Variants in FRMD1 observed in about 807,000 individuals in gnomAD.
FRMD1 encodes the protein FERM domain-containing protein 1.
A neutral mutation model predicts 54.9 loss-of-function variants in FRMD1; 51 were observed. That is an observed-to-expected ratio of 0.93 (90% CI 0.74 to 1.17). The LOEUF is 1.17. Among genes scored for constraint, FRMD1 ranks in the 50% most tolerant of loss-of-function variants. FRMD1 has a pLI of 0.00. For synonymous variants in FRMD1, 324 were observed against 306.4 expected, an observed-to-expected ratio of 1.06 and a Z score of -0.60; for missense variants, 729 against 743.0, an observed-to-expected ratio of 0.98 and a Z score of 0.22.
At position 168,063,695 on chromosome 6, in the gene FRMD1, C is replaced by G; in HGVS notation, c.710G>C (p.Arg237Pro). 1 of 1,613,876 alleles carries G rather than the reference C, an allele frequency of 6.2e-7. No homozygotes were observed. The highest frequency in any genetic ancestry group is 8.5e-7 in the Non-Finnish European group (1 of 1,179,870). ...GGCCTCCTTGGGGCTCAGGCCCTGG[C>G]GCTCACGGTGCAGGGTAGGCATGTG... ...LRHMPTLHRE[R>P]QGLSPKEAML... The change falls in exon 6 of 11, where the codon CGC (arginine) becomes CCC (proline). Residue 237 changes from arginine (R) to proline (P), a missense_variant. Coordinates refer to ENST00000283309, the MANE Select transcript of FRMD1 (RefSeq NM_024919.6).
At chr6:168,078,694 AGCCCTGCTCACCCCTAT>A (rs1800712610) in intron 1 of FRMD1, among the ~76,000 whole-genome samples, 171 bp downstream of exon 1, 3 of 41,366 alleles carry the variant, frequency 7.3e-5, no homozygotes, top group African/African-American at 3.2e-4. Context: ...TCACCCCCAC[AGCCCTGCTCACCCCTAT>A]GGCCACCCAG....
intron 6 of FRMD1, 130 bp from the exon 7 acceptor site, chr6:168,063,089 A>C: frequency 1.3e-6 from 1 of 744,390 alleles, no homozygotes; most frequent in African/African-American, 1.7e-5. Flanking sequence ...GCCCATTTAC[A>C]GACAGTCTCA....
intron 1 of FRMD1, among the ~76,000 whole-genome samples, chr6:168,089,061 A>T (rs1446156735): frequency 4.6e-5 from 7 of 152,158 alleles, no homozygotes; most frequent in Non-Finnish European, 1.0e-4. Context: ...AAATAACTTC[A>T]TCCCAGGGCT....
intron 10 of FRMD1, 133 bp from the exon 11 acceptor site, chr6:168,057,472 G>A (rs748636322): frequency 5.1e-6 from 7 of 1,369,810 alleles, no homozygotes; most frequent in Non-Finnish European, 6.9e-6. Flanking sequence ...GTGCATGGCC[G>A]GCCTGCCCCT....
chr6:168,066,372 C>G (rs1392178787), intron 4 of FRMD1: 1 of 455,850 alleles, frequency 2.2e-6, no homozygotes, highest in Non-Finnish European at 2.9e-6. Context: ...GTGGCGCCCG[C>G]CTGTAATCCC....
At position 168,057,088 on chromosome 6, in the gene FRMD1, G is replaced by A; in HGVS notation, c.*9C>T. 1 of 1,468,934 alleles carries A rather than the reference G, an allele frequency of 6.8e-7. No homozygotes were observed. 91.0% of individuals were successfully genotyped at this position (1,468,934 alleles called of 1,614,324 possible). On this transcript the variant is annotated 3_prime_UTR_variant, in exon 11 of 11. Transcript: ENST00000283309. ...GGCGGTGCGGACGGTACTGCTGGGT[G>A]GGTGGTGCCTACACCACAAACTCCT...
At chr6:168,091,923 G>T (rs1205958193) in intron 1 of FRMD1, among the ~76,000 whole-genome samples, 1 of 152,260 alleles carries the variant, frequency 6.6e-6, no homozygotes, top group Non-Finnish European at 1.5e-5. Context: ...ATGGTCAAGA[G>T]TGGCCAGTGG....
chr6:168,082,821 C>G (rs1800857213), upstream of FRMD1, among the ~76,000 whole-genome samples: 1 of 152,254 alleles, frequency 6.6e-6, no homozygotes, highest in African/African-American at 2.4e-5. Flanking sequence ...TTTTGCTGCT[C>G]TGCCCAAGCG....
chr6:168,081,557 T>TA (rs1800832183), upstream of FRMD1: 1 of 1,488,088 alleles, frequency 6.7e-7, no homozygotes, highest in East Asian at 2.5e-5. Flanking sequence ...ATGAGATAGA[T>TA]AGAGGCCTGC....
At chr6:168,089,195 T>TG (rs1583215516) in intron 1 of FRMD1, among the ~76,000 whole-genome samples, 1 of 152,220 alleles carries the variant, frequency 6.6e-6, no homozygotes, top group African/African-American at 2.4e-5. Flanking sequence ...AGTGGTTCCC[T>TG]GGGGGTCCCT....
intron 9 of FRMD1, among the ~76,000 whole-genome samples, chr6:168,060,106 G>T (rs1257653268): frequency 2.4e-5 from 2 of 81,782 alleles, no homozygotes; most frequent in Non-Finnish European, 4.7e-5. Context: ...AGTGTGGGGG[G>T]GGCTTCCTAA....
intron 1 of FRMD1, among the ~76,000 whole-genome samples, chr6:168,088,807 G>A (rs1800965073): frequency 1.6e-5 from 1 of 60,726 alleles, no homozygotes; most frequent in African/African-American, 4.5e-5. Flanking sequence ...CAAGGCAAAT[G>A]TTAACTCTCA....
At chr6:168,086,720 C>A (rs1800928220) in intron 1 of FRMD1, among the ~76,000 whole-genome samples, 1 of 152,212 alleles carries the variant, frequency 6.6e-6, no homozygotes, top group Admixed American at 6.5e-5. Context: ...TCGTCTGTCA[C>A]CCCCCTCGGC....
rs1799874562 is a variant in FRMD1 at position 168,063,616 on chromosome 6, G to A, written c.789C>T (p.Phe263=). The A allele has an allele frequency of 1.2e-6, 2 of 1,612,276 alleles. No homozygotes were observed. The highest frequency in any genetic ancestry group is 1.3e-5 in the African/African-American group (1 of 74,934). Reference sequence around the variant, plus strand: ...TGGGCTCGACCTTGTGCAGCCTGAAGAAGTGCACGGGCACGTCCTCCAGCC... The same window carrying A: ...TGGGCTCGACCTTGTGCAGCCTGAAAAAGTGCACGGGCACGTCCTCCAGCC... ...ACRLEDVPVH[F]FRLHKDKKEG... is the part of the protein sequence containing the mutation. The change falls in exon 6 of 11, where the codon TTC becomes TTT. Residue 263 remains phenylalanine (F), a synonymous_variant. Coordinates refer to ENST00000283309, the MANE Select transcript of FRMD1 (RefSeq NM_024919.6).
intron 1 of FRMD1, among the ~76,000 whole-genome samples, chr6:168,088,377 G>T (rs1346698390): frequency 6.6e-6 from 1 of 152,178 alleles, no homozygotes; most frequent in African/African-American, 2.4e-5. Flanking sequence ...GAGTGGCCGG[G>T]AGGCAAGGCG....
At chr6:168,066,948 A>C in intron 3 of FRMD1, 117 bp from the exon 4 acceptor site, 60 of 1,261,874 alleles carry the variant, frequency 4.8e-5, no homozygotes, top group Non-Finnish European at 6.2e-5. Flanking sequence ...GTCGAAGCTC[A>C]GGTGTCTGCA....
rs980180381 is a variant in FRMD1 at position 168,079,195 on chromosome 6, C to T, written c.-101G>A. Reference sequence around the variant, plus strand: ...TCCGGGACCCGCCCTTGCCGAGCTTCTCACTGGGAAGGGAATTGAGAGGGA... The same window carrying T: ...TCCGGGACCCGCCCTTGCCGAGCTTTTCACTGGGAAGGGAATTGAGAGGGA... On this transcript the variant is annotated 5_prime_UTR_variant, in exon 1 of 11. Transcript: ENST00000283309. 1.1e-5 allele frequency: 15 copies of T among 1,427,510 alleles called. No homozygotes were observed. The Admixed American group carries it at 3.0e-4, about 29-fold the overall frequency. The allele number at this position is 1,427,510 out of a possible 1,614,324, so 88.4% of individuals were successfully genotyped here. A position where few individuals can be genotyped will look rare whatever the true frequency, so the allele number is the denominator to read the frequency against.
At chr6:168,058,291 TTC>T (rs376652406) in intron 10 of FRMD1, among the ~76,000 whole-genome samples, 2 of 13,788 alleles carry the variant, frequency 1.5e-4, no homozygotes, top group Non-Finnish European at 2.3e-4. Context: ...CCCAGCCCTG[TTC>T]TCTCTCTCCA....
chr6:168,066,641 T>C (rs1010218449), intron 4 of FRMD1, 114 bp downstream of exon 4: 1 of 1,447,200 alleles, frequency 6.9e-7, no homozygotes, highest in South Asian at 1.5e-5. Context: ...TGTTTGTTTG[T>C]TTTTTGTTTT....
Sources: gnomAD v4.1 joint callset for allele counts (sites outside exome capture counted in the v4.1 genomes callset) on GRCh38, gnomAD v4.1.1 for gene constraint, MANE v1.5 for transcripts, NCBI Gene and HGNC (gene_info 2026-07-23, HGNC 2026-07-21) for gene names.